The following CPEB3 variants were observed in gnomAD, a reference collection of about 807,000 sequenced individuals.
CPEB3 encodes cytoplasmic polyadenylation element binding protein 3.
CPEB3 carries 20 observed loss-of-function variants against 67.2 expected under a neutral mutation model. That is an observed-to-expected ratio of 0.30 (90% confidence interval 0.21 to 0.43). The LOEUF is 0.43. Among genes scored for constraint, CPEB3 ranks in the 20% least tolerant of loss-of-function variants. The pLI, the probability that CPEB3 is intolerant of heterozygous loss-of-function variation, is 1.00. For missense variants in CPEB3, 746 were observed against 968.6 expected (o/e 0.77, Z 3.05); for synonymous variants, 376 against 393.1 (o/e 0.96, Z 0.51).
chr10:92,279,422 C>G (rs548694341), intron 1 of CPEB3, among the ~76,000 whole-genome samples: 1 of 152,144 alleles, frequency 6.6e-6, no homozygotes, highest in South Asian at 2.1e-4. Context: ...ACAATGGCTG[C>G]AGTCTGTGTT....
chr10:92,206,292 C>T (rs1167663441), intron 2 of CPEB3, among the ~76,000 whole-genome samples: 2 of 151,948 alleles, frequency 1.3e-5, no homozygotes, highest in East Asian at 1.9e-4. Context: ...AGGCTGGTCT[C>T]GAACTCCCAA....
intron 4 of CPEB3, among the ~76,000 whole-genome samples, chr10:92,147,718 C>T (rs916177296): frequency 7.2e-5 from 11 of 152,014 alleles, no homozygotes; most frequent in Non-Finnish European, 1.5e-4. Context: ...TGGAGATTGG[C>T]GGGGAGAGAT....
At chr10:92,246,095 G>A (rs544390395) in intron 1 of CPEB3, among the ~76,000 whole-genome samples, 2 of 151,442 alleles carry the variant, frequency 1.3e-5, no homozygotes, top group East Asian at 3.9e-4. Flanking sequence ...CAGCACTTTG[G>A]GAGGCCAAGG....
chr10:92,279,493 C>A (rs1842159996), intron 1 of CPEB3, among the ~76,000 whole-genome samples: 1 of 152,092 alleles, frequency 6.6e-6, no homozygotes, highest in African/African-American at 2.4e-5. Context: ...CACAGTACTC[C>A]AGCATATGTC....
intron 2 of CPEB3, among the ~76,000 whole-genome samples, chr10:92,193,540 C>A (rs1187060749): frequency 1.3e-5 from 2 of 151,794 alleles, no homozygotes; most frequent in Non-Finnish European, 2.9e-5. Flanking sequence ...TCACTTCAGT[C>A]CCGACCTCCT....
intron 6 of CPEB3, among the ~76,000 whole-genome samples, chr10:92,117,634 T>C (rs1845110399): frequency 6.6e-6 from 1 of 152,020 alleles, no homozygotes; most frequent in Non-Finnish European, 1.5e-5. Context: ...CCAGTAGTGA[T>C]TTTTTTCTTT....
At chr10:92,281,811 C>G (rs59685180) in intron 1 of CPEB3, among the ~76,000 whole-genome samples, 6 of 152,166 alleles carry the variant, frequency 3.9e-5, no homozygotes, top group Non-Finnish European at 5.9e-5. Flanking sequence ...ATGATCATTA[C>G]TACTATTGGT....
chr10:92,226,624 C>A (rs576381235), intron 2 of CPEB3, among the ~76,000 whole-genome samples: 2 of 152,300 alleles, frequency 1.3e-5, no homozygotes, highest in African/African-American at 4.8e-5. Flanking sequence ...GTGGAGCCTA[C>A]ATTCTACTGT....
chr10:92,199,310 G>C (rs543898059), intron 2 of CPEB3, among the ~76,000 whole-genome samples: 42 of 149,500 alleles, frequency 2.8e-4, no homozygotes, highest in African/African-American at 1.0e-3. Flanking sequence ...AGAATCTCTT[G>C]AACCCAGGAG....
At chr10:92,203,428 G>A (rs1475422931) in intron 2 of CPEB3, among the ~76,000 whole-genome samples, 36 of 134,608 alleles carry the variant, frequency 2.7e-4, no homozygotes, top group Middle Eastern at 3.6e-3. Flanking sequence ...ATATATATAC[G>A]TATATATGTA....
At chr10:92,227,978 C>T (rs1338148567) in intron 2 of CPEB3, among the ~76,000 whole-genome samples, 1 of 152,106 alleles carries the variant, frequency 6.6e-6, no homozygotes, top group East Asian at 1.9e-4. Flanking sequence ...ACCTCCACCT[C>T]CCGGATTCAA....
intron 6 of CPEB3, among the ~76,000 whole-genome samples, chr10:92,127,443 A>T (rs1285407497): frequency 6.6e-6 from 1 of 152,170 alleles, no homozygotes; most frequent in Non-Finnish European, 1.5e-5. Flanking sequence ...TGGGAGACCG[A>T]GGCAGGTGGA....
intron 7 of CPEB3, among the ~76,000 whole-genome samples, chr10:92,107,313 G>C (rs1844521894): frequency 6.6e-6 from 1 of 152,172 alleles, no homozygotes; most frequent in African/African-American, 2.4e-5. Flanking sequence ...AAATCACTCT[G>C]TTGTATTTCA....
chr10:92,131,495 AG>A (rs1845841215), intron 6 of CPEB3, among the ~76,000 whole-genome samples: 1 of 152,230 alleles, frequency 6.6e-6, no homozygotes, highest in African/African-American at 2.4e-5. Flanking sequence ...ATAACATATA[AG>A]TGAGAAAATA....
At chr10:92,120,570 C>T (rs940898679) in intron 6 of CPEB3, among the ~76,000 whole-genome samples, 3 of 151,744 alleles carry the variant, frequency 2.0e-5, no homozygotes, top group African/African-American at 7.3e-5. Flanking sequence ...GGTGACAGAG[C>T]GAGACTGTCT....
intron 2 of CPEB3, among the ~76,000 whole-genome samples, chr10:92,193,030 GGTGGAACCTC>G (rs1326781513): frequency 6.6e-6 from 1 of 152,164 alleles, no homozygotes; most frequent in Non-Finnish European, 1.5e-5. Context: ...TGGCCAACAG[GGTGGAACCTC>G]GCCTCTACTA....
At chr10:92,144,487 AACCC>A (rs1846586103) in intron 5 of CPEB3, among the ~76,000 whole-genome samples, 2 of 152,204 alleles carry the variant, frequency 1.3e-5, no homozygotes, top group Admixed American at 6.5e-5. Flanking sequence ...GCTGGTCTTG[AACCC>A]CTGGGCTCAA....
Position 92,188,652 on chromosome 10 carries a change from G to A in CPEB3, c.1165+3825C>T, listed in dbSNP as rs943592878. Among the ~76,000 whole-genome samples, 7 of 151,984 alleles carry A rather than the reference G, an allele frequency of 4.6e-5. No homozygotes were observed. The East Asian group carries it at 7.7e-4, about 17-fold the overall frequency. ...GGAGAATTGCTTGAACCAGGGAGGC[G>A]GAGGTTGCAATGAGCTGAGATCCCG... On this transcript the variant is annotated intron_variant, in intron 3 of 9. Coordinates refer to ENST00000265997, the MANE Select transcript of CPEB3 (RefSeq NM_014912.5).
intron 3 of CPEB3, among the ~76,000 whole-genome samples, chr10:92,192,155 T>C (rs757616566): frequency 6.6e-6 from 1 of 152,198 alleles, no homozygotes; most frequent in Non-Finnish European, 1.5e-5. Context: ...TTAAATGAAT[T>C]ATCCCGGTTC....
Sources: allele counts gnomAD v4.1 joint callset (sites outside exome capture counted in the v4.1 genomes callset), GRCh38; gene constraint gnomAD v4.1.1; transcripts MANE v1.5; gene names NCBI Gene and HGNC (gene_info 2026-07-23, HGNC 2026-07-21).